UTRN: variants seen among roughly 807,000 people sequenced by gnomAD.
UTRN encodes the protein utrophin.
Under a neutral mutation model 463.9 loss-of-function variants are expected in UTRN, and 283 were observed. That is an observed-to-expected ratio of 0.61 (90% CI 0.55 to 0.67). UTRN has a LOEUF of 0.67. Among genes scored for constraint, UTRN ranks in the 30% least tolerant of loss-of-function variants. The probability of loss-of-function intolerance (pLI) is 0.00; values close to 1 mark genes in which losing one functional copy is unlikely to be tolerated. For missense variants in UTRN, 3,922 were observed against 4,084.3 expected (o/e 0.96, Z 1.08); for synonymous variants, 1,442 against 1,431.5 (o/e 1.01, Z -0.17).
intron 51 of UTRN, among the ~76,000 whole-genome samples, chr6:144,579,355 A>G (rs1801742094): frequency 6.7e-6 from 1 of 150,128 alleles, no homozygotes; most frequent in South Asian, 2.1e-4. Context: ...AGCCTGACCT[A>G]TAAATGCTCA....
intron 2 of UTRN, among the ~76,000 whole-genome samples, chr6:144,322,757 C>A (rs1322926560): frequency 6.6e-6 from 1 of 151,984 alleles, no homozygotes; most frequent in African/African-American, 2.4e-5. Flanking sequence ...GCTAACACAT[C>A]CTGGTGAAAC....
chr6:144,291,179 G>A (rs1487252212), intron 1 of UTRN, among the ~76,000 whole-genome samples: 1 of 152,142 alleles, frequency 6.6e-6, no homozygotes, highest in Admixed American at 6.5e-5. Flanking sequence ...CCCTTGACCT[G>A]TTCTCCATGG....
intron 13 of UTRN, among the ~76,000 whole-genome samples, chr6:144,442,315 C>T (rs970248105): frequency 6.6e-6 from 1 of 152,072 alleles, no homozygotes; most frequent in Non-Finnish European, 1.5e-5. Context: ...CCACAGGTAC[C>T]CTAAATTTTC....
chr6:144,357,579 G>A (rs1309932627), intron 2 of UTRN, among the ~76,000 whole-genome samples: 3 of 152,200 alleles, frequency 2.0e-5, no homozygotes, highest in Admixed American at 2.0e-4. Flanking sequence ...ACAGGATGAA[G>A]ATTTTGTTTT....
chr6:144,313,040 T>C (rs1235578532), intron 2 of UTRN, among the ~76,000 whole-genome samples: 1 of 152,190 alleles, frequency 6.6e-6, no homozygotes, highest in Non-Finnish European at 1.5e-5. Flanking sequence ...GTGGCTCCGC[T>C]TCATATGGTC....
chr6:144,586,634 A>C (rs1187136438), intron 51 of UTRN, among the ~76,000 whole-genome samples: 1 of 152,096 alleles, frequency 6.6e-6, no homozygotes, highest in Non-Finnish European at 1.5e-5. Flanking sequence ...TTAGATTAGA[A>C]CTGGGTTATT....
rs1034150413 is a variant in UTRN at position 144,669,300 on chromosome 6, A to G, written c.7480-9106A>G. On this transcript the variant is annotated intron_variant, in intron 51 of 74. Coordinates refer to ENST00000367545, the MANE Select transcript of UTRN (RefSeq NM_007124.3). Reference sequence around the variant, plus strand: ...TCAGAGAAGTATAGAGATGAAAACTAAACTTATCTGTAATCCTCTTCTATA... The same window carrying G: ...TCAGAGAAGTATAGAGATGAAAACTGAACTTATCTGTAATCCTCTTCTATA... Among the ~76,000 whole-genome samples the G allele has an allele frequency of 1.2e-4, 18 of 152,314 alleles. No individual in the cohort carries two copies. In the South Asian group the frequency reaches 1.2e-3, roughly 11 times the overall value.
chr6:144,513,085 G>A (rs1298702261), intron 35 of UTRN, among the ~76,000 whole-genome samples: 3 of 152,068 alleles, frequency 2.0e-5, no homozygotes, highest in Non-Finnish European at 4.4e-5. Context: ...GTTCTGTCAA[G>A]CACATTTCAT....
chr6:144,702,266 C>G (rs573902720), intron 53 of UTRN, among the ~76,000 whole-genome samples: 8 of 152,180 alleles, frequency 5.3e-5, no homozygotes, highest in Non-Finnish European at 1.2e-4. Context: ...GGCCTCCCTC[C>G]CAGCAAGGTA....
At chr6:144,715,134 C>T (rs757182623) in intron 53 of UTRN, among the ~76,000 whole-genome samples, 1 of 152,198 alleles carries the variant, frequency 6.6e-6, no homozygotes, top group Non-Finnish European at 1.5e-5. Context: ...AAACACCTCA[C>T]AGTTAATATG....
At chr6:144,324,688 A>C (rs576326949) in intron 2 of UTRN, among the ~76,000 whole-genome samples, 1 of 152,248 alleles carries the variant, frequency 6.6e-6, no homozygotes, top group Non-Finnish European at 1.5e-5. Context: ...CTTACAGTTA[A>C]AAGTGGTAGA....
chr6:144,624,389 G>A (rs767152389), intron 51 of UTRN, among the ~76,000 whole-genome samples: 4 of 152,178 alleles, frequency 2.6e-5, no homozygotes, highest in African/African-American at 7.2e-5. Flanking sequence ...GACCAGGCAC[G>A]ACGACAGTAA....
At chr6:144,328,969 G>A (rs1456874156) in intron 2 of UTRN, among the ~76,000 whole-genome samples, 3 of 151,588 alleles carry the variant, frequency 2.0e-5, no homozygotes, top group African/African-American at 7.3e-5. Context: ...ATTTTTGGTA[G>A]AGACGGAGTT....
intron 52 of UTRN, among the ~76,000 whole-genome samples, chr6:144,691,666 T>A (rs563846821): frequency 6.6e-6 from 1 of 152,298 alleles, no homozygotes; most frequent in East Asian, 1.9e-4. Flanking sequence ...TTTCCCAGTC[T>A]CTGACATTCC....
chr6:144,732,572 A>G (rs1055797581), intron 54 of UTRN, among the ~76,000 whole-genome samples: 3 of 151,698 alleles, frequency 2.0e-5, no homozygotes, highest in Non-Finnish European at 4.4e-5. Flanking sequence ...TTCTCCCCTG[A>G]TTATACATCT....
At chr6:144,830,427 T>G (rs187804969) in intron 69 of UTRN, among the ~76,000 whole-genome samples, 3 of 152,326 alleles carry the variant, frequency 2.0e-5, no homozygotes, top group African/African-American at 7.2e-5. Flanking sequence ...AGGATGTTTG[T>G]AAGCTGTTAA....
intron 51 of UTRN, among the ~76,000 whole-genome samples, chr6:144,662,504 A>G (rs1312695795): frequency 1.3e-5 from 2 of 152,194 alleles, no homozygotes; most frequent in Non-Finnish European, 2.9e-5. Flanking sequence ...CCTCAGTATT[A>G]GTAACCTGTT....
At chr6:144,682,226 C>A (rs1782278205) in intron 52 of UTRN, among the ~76,000 whole-genome samples, 1 of 152,074 alleles carries the variant, frequency 6.6e-6, no homozygotes, top group Non-Finnish European at 1.5e-5. Context: ...TTTTTAGATC[C>A]CCAAAATAAC....
intron 51 of UTRN, among the ~76,000 whole-genome samples, chr6:144,640,861 G>A (rs1206732775): frequency 6.6e-6 from 1 of 152,072 alleles, no homozygotes; most frequent in Admixed American, 6.5e-5. Context: ...CAGTCTTTTG[G>A]TTATCAGTTT....
Sources: gnomAD v4.1 joint callset for allele counts (sites outside exome capture counted in the v4.1 genomes callset) on GRCh38, gnomAD v4.1.1 for gene constraint, MANE v1.5 for transcripts, NCBI Gene and HGNC (gene_info 2026-07-23, HGNC 2026-07-21) for gene names.